Variants in CSMD3 observed in about 807,000 individuals in gnomAD.
The protein encoded by CSMD3 is CUB and Sushi multiple domains 3.
A neutral mutation model predicts 435.2 loss-of-function variants in CSMD3; 177 were observed. The observed-to-expected ratio is 0.41, with a 90% CI of 0.36 to 0.46. The LOEUF (loss-of-function observed/expected upper bound fraction) is 0.46. CSMD3 is among the 20% of genes least tolerant of loss of function. CSMD3 has a pLI of 0.34. For synonymous variants in CSMD3, 1,656 were observed against 1,520.5 expected (o/e 1.09, Z -2.07); for missense variants, 4,265 against 4,504.6 (o/e 0.95, Z 1.52).
chr8:112,901,142 A>T (rs1452357501), intron 10 of CSMD3, among the ~76,000 whole-genome samples: 1 of 151,264 alleles, frequency 6.6e-6, no homozygotes, highest in Non-Finnish European at 1.5e-5. Flanking sequence ...CCACTATGGT[A>T]AGAAGCCAGG....
At chr8:112,380,857 A>G (rs1414415164) in intron 37 of CSMD3, among the ~76,000 whole-genome samples, 1 of 152,202 alleles carries the variant, frequency 6.6e-6, no homozygotes, top group Non-Finnish European at 1.5e-5. Context: ...GAATGTTTGC[A>G]ATGATTGCTT....
At chr8:112,388,429 T>C (rs942947700) in intron 36 of CSMD3, among the ~76,000 whole-genome samples, 13 of 152,130 alleles carry the variant, frequency 8.5e-5, no homozygotes, top group Non-Finnish European at 1.8e-4. Flanking sequence ...TGGAGAGATA[T>C]AGATTTGTTT....
In CSMD3 at chr8:113,066,293, G is replaced by A. The variant is rs182134807; in HGVS notation, c.917+32463C>T. On this transcript the variant is annotated intron_variant, in intron 5 of 70. Coordinates refer to ENST00000297405, the MANE Select transcript of CSMD3 (RefSeq NM_198123.2). Reference sequence around the variant, plus strand: ...AGAACTCTAACGTAGAGCACAAAGAGAAAAAGTGTTTTTGAATATTAGGTG... The same window carrying A: ...AGAACTCTAACGTAGAGCACAAAGAAAAAAAGTGTTTTTGAATATTAGGTG... Among the ~76,000 whole-genome samples the A allele has an allele frequency of 2.1e-4, 32 of 152,076 alleles. No homozygotes were observed. The East Asian group carries it at 4.4e-3, about 21-fold the overall frequency.
At chr8:113,423,723 G>A (rs938150431) in intron 1 of CSMD3, among the ~76,000 whole-genome samples, 4 of 151,822 alleles carry the variant, frequency 2.6e-5, no homozygotes, top group Admixed American at 6.6e-5. Flanking sequence ...TAAATAGGTC[G>A]TCTTTATGTT....
chr8:112,492,738 G>A (rs533874089), intron 30 of CSMD3, 55 bp from the exon 31 acceptor site: 206 of 1,345,958 alleles, frequency 1.5e-4, no homozygotes, highest in Non-Finnish European at 1.8e-4. Context: ...TTGGCACTCC[G>A]TAATACATGG....
At chr8:112,382,795 G>A (rs1253249197) in intron 37 of CSMD3, among the ~76,000 whole-genome samples, 1 of 152,060 alleles carries the variant, frequency 6.6e-6, no homozygotes, top group South Asian at 2.1e-4. Context: ...TTCACGACCC[G>A]CCTCGCCAAC....
chr8:112,532,712 G>GA (rs571795522), intron 27 of CSMD3, among the ~76,000 whole-genome samples: 56 of 149,130 alleles, frequency 3.8e-4, no homozygotes, highest in African/African-American at 9.6e-4. Flanking sequence ...CCTTCCATCT[G>GA]AAAAAAAAAG....
At chr8:113,151,555 C>T (rs2091806342) in intron 4 of CSMD3, among the ~76,000 whole-genome samples, 2 of 151,570 alleles carry the variant, frequency 1.3e-5, no homozygotes, top group South Asian at 4.2e-4. Flanking sequence ...ATAATCTAAA[C>T]AATATTAATG....
chr8:112,717,009 G>C (rs1436190842), intron 13 of CSMD3, among the ~76,000 whole-genome samples: 1 of 152,070 alleles, frequency 6.6e-6, no homozygotes, highest in East Asian at 1.9e-4. Context: ...ATGGGCATGG[G>C]TAAAGATTTC....
At chr8:112,518,625 TGTGTGAGAGA>T (rs1024370786) in intron 27 of CSMD3, among the ~76,000 whole-genome samples, 1 of 130,754 alleles carries the variant, frequency 7.6e-6, no homozygotes, top group African/African-American at 2.6e-5. Context: ...TGTGTGTGTG[TGTGTGAGAGA>T]GAGAGAGAGA....
chr8:112,793,399 G>A (rs1179997897), intron 13 of CSMD3, among the ~76,000 whole-genome samples: 1 of 150,492 alleles, frequency 6.6e-6, no homozygotes, highest in Non-Finnish European at 1.5e-5. Flanking sequence ...ATTTTTTCTT[G>A]GGCCCATCTG....
At chr8:112,554,098 A>G (rs1041188723) in intron 25 of CSMD3, among the ~76,000 whole-genome samples, 2 of 151,954 alleles carry the variant, frequency 1.3e-5, no homozygotes, top group Admixed American at 6.6e-5. Flanking sequence ...AACTTGCCCT[A>G]TGGACTTTGG....
intron 11 of CSMD3, among the ~76,000 whole-genome samples, chr8:112,834,450 A>G (rs191715043): frequency 6.6e-6 from 1 of 151,858 alleles, no homozygotes; most frequent in Non-Finnish European, 1.5e-5. Flanking sequence ...AATATAAGTA[A>G]GGTATTACAG....
chr8:112,404,616 A>G (rs893849676), intron 35 of CSMD3, among the ~76,000 whole-genome samples: 2 of 152,088 alleles, frequency 1.3e-5, no homozygotes, highest in African/African-American at 4.8e-5. Flanking sequence ...CTTCTATGTT[A>G]TTTCATAATT....
intron 32 of CSMD3, 91 bp downstream of exon 32, chr8:112,472,500 C>T (rs565884535): frequency 3.1e-5 from 24 of 781,500 alleles, no homozygotes; most frequent in East Asian, 7.4e-5. Flanking sequence ...ATGGATAGCA[C>T]GTATTTTCAT....
At chr8:112,660,084 C>G (rs1042354126) in intron 17 of CSMD3, among the ~76,000 whole-genome samples, 6 of 151,970 alleles carry the variant, frequency 3.9e-5, no homozygotes, top group Non-Finnish European at 8.8e-5. Context: ...TTTCTTGGAA[C>G]CAGCTTCTTC....
At chr8:112,825,718 G>A (rs966659485) in intron 12 of CSMD3, among the ~76,000 whole-genome samples, 1 of 152,092 alleles carries the variant, frequency 6.6e-6, no homozygotes, top group African/African-American at 2.4e-5. Flanking sequence ...CTTCCTCTGG[G>A]ATCTCTGACC....
At chr8:112,552,815 T>C in intron 25 of CSMD3, 95 bp from the exon 26 acceptor site, 1 of 1,120,070 alleles carries the variant, frequency 8.9e-7, no homozygotes, top group Non-Finnish European at 1.3e-6. Flanking sequence ...AGAATACTGA[T>C]TTTCTTGTTT....
At chr8:113,059,514 T>G (rs2088507229) in intron 5 of CSMD3, among the ~76,000 whole-genome samples, 1 of 152,176 alleles carries the variant, frequency 6.6e-6, no homozygotes, top group African/African-American at 2.4e-5. Flanking sequence ...GATACAAATT[T>G]TCCATGCTAA....
Sources: allele counts gnomAD v4.1 joint callset (sites outside exome capture counted in the v4.1 genomes callset), GRCh38; gene constraint gnomAD v4.1.1; transcripts MANE v1.5; gene names NCBI Gene and HGNC (gene_info 2026-07-23, HGNC 2026-07-21).